FOXP1: variants seen among roughly 807,000 people sequenced by gnomAD.
FOXP1 encodes forkhead box protein P1.
In FOXP1, 15 loss-of-function variants were observed where a neutral mutation model predicts 98.2. The ratio of observed to expected loss-of-function variants is 0.15; its 90% CI spans 0.10 to 0.24. FOXP1 has a LOEUF of 0.24. FOXP1 is among the 10% of genes least tolerant of loss of function. The pLI is 1.00. For missense variants in FOXP1, 633 were observed against 848.5 expected, an observed-to-expected ratio of 0.75 and a Z score of 3.15; for synonymous variants, 371 against 314.5, an observed-to-expected ratio of 1.18 and a Z score of -1.90.
chr3:70,976,925 G>C lies in FOXP1; in HGVS notation c.1530+16C>G. On this transcript the variant is annotated intron_variant, in intron 17 of 20. Coordinates refer to ENST00000649528, the MANE Select transcript of FOXP1 (RefSeq NM_001349338.3). ...AACGTCAAGATCCAAGAATAAACAG[G>C]CCTGAGAAAGCTTACCTTCCACGTG... 2.5e-6 allele frequency: 4 copies of C among 1,581,594 alleles called. No individual in the cohort carries two copies. The highest frequency in any genetic ancestry group is 3.5e-6 in the Non-Finnish European group (4 of 1,150,548).
chr3:71,581,233 T>C (rs981641133), intron 2 of FOXP1: 1 of 985,234 alleles, frequency 1.0e-6, no homozygotes. Flanking sequence ...AAATAATTAA[T>C]AGTTATAAGA....
At chr3:71,024,028 G>T (rs971666889) in intron 11 of FOXP1, among the ~76,000 whole-genome samples, 4 of 152,102 alleles carry the variant, frequency 2.6e-5, no homozygotes, top group Middle Eastern at 6.8e-3. Context: ...TCATACTGTT[G>T]TATATCCCCT....
At chr3:71,487,367 T>C (rs1280608039) in intron 3 of FOXP1, among the ~76,000 whole-genome samples, 2 of 152,198 alleles carry the variant, frequency 1.3e-5, no homozygotes, top group Non-Finnish European at 2.9e-5. Flanking sequence ...CCAGATTCTT[T>C]CATTAATATG....
rs1327696171 is a variant in FOXP1 at position 71,396,929 on chromosome 3, T to C, written c.-167-37685A>G. On this transcript the variant is annotated intron_variant, in intron 3 of 20. Coordinates refer to ENST00000649528, the MANE Select transcript of FOXP1 (RefSeq NM_001349338.3). ...ACATATATATGTGTGTATATATATA[T>C]ATATACACATATATATATGTGTATA... Among the ~76,000 whole-genome samples, 6 of 103,696 alleles carry C rather than the reference T, an allele frequency of 5.8e-5. 1 individual carries two copies. Among genetic ancestry groups the C allele is most frequent in the African/African-American group, 8.5e-5 (2 of 23,494 alleles). The allele number at this position is 103,696 out of a possible 152,430, so 68.0% of individuals were successfully genotyped here. A position where few individuals can be genotyped will look rare whatever the true frequency, so the allele number is the denominator to read the frequency against.
In FOXP1 at chr3:71,583,672, G is replaced by T. The variant is rs914906861; in HGVS notation, c.-548C>A. 2.0e-6 allele frequency: 2 copies of T among 984,406 alleles called. No homozygotes were observed. Among genetic ancestry groups the T allele is most frequent in the African/African-American group, 3.5e-5 (2 of 56,942 alleles). 61.0% of individuals were successfully genotyped at this position (984,406 alleles called of 1,614,324 possible). A position where few individuals can be genotyped will look rare whatever the true frequency, so the allele number is the denominator to read the frequency against. Reference sequence around the variant, plus strand: ...GCGCACCCCGCGCACACACTCACTCGCGCACACACGCGCGCACACACGCAC... The same window carrying T: ...GCGCACCCCGCGCACACACTCACTCTCGCACACACGCGCGCACACACGCAC... On this transcript the variant is annotated 5_prime_UTR_variant, in exon 1 of 21. Transcript: ENST00000649528.
intron 4 of FOXP1, among the ~76,000 whole-genome samples, chr3:71,353,508 T>G (rs2077938190): frequency 6.6e-6 from 1 of 152,230 alleles, no homozygotes; most frequent in African/African-American, 2.4e-5. Context: ...TTACTTTGAC[T>G]GAAACTTACT....
chr3:71,378,005 GT>G (rs947471555), intron 3 of FOXP1, among the ~76,000 whole-genome samples: 2 of 143,330 alleles, frequency 1.4e-5, no homozygotes, highest in African/African-American at 5.1e-5. Flanking sequence ...CCTGTTTTTT[GT>G]TTTTTGTTTT....
chr3:71,128,428 A>G (rs1230469115), intron 6 of FOXP1, among the ~76,000 whole-genome samples: 1 of 152,180 alleles, frequency 6.6e-6, no homozygotes, highest in African/African-American at 2.4e-5. Flanking sequence ...AATGGGTTAC[A>G]TAATATTAAA....
intron 3 of FOXP1, among the ~76,000 whole-genome samples, chr3:71,383,960 G>A (rs927552510): frequency 2.6e-5 from 4 of 152,200 alleles, no homozygotes; most frequent in African/African-American, 7.2e-5. Flanking sequence ...GCTCACGCCT[G>A]TAATCCCAGC....
At chr3:71,583,040 C>A (rs1203726303) in intron 1 of FOXP1, among the ~76,000 whole-genome samples, 1 of 151,776 alleles carries the variant, frequency 6.6e-6, no homozygotes, top group Non-Finnish European at 1.5e-5. Flanking sequence ...CGGCGCGCGC[C>A]CCCTCCCGCC....
chr3:71,427,210 T>G (rs1336992220), intron 3 of FOXP1, among the ~76,000 whole-genome samples: 1 of 152,146 alleles, frequency 6.6e-6, no homozygotes. Flanking sequence ...CACCACCATA[T>G]ATCTAATATG....
chr3:71,133,098 C>T (rs181734795), intron 6 of FOXP1, among the ~76,000 whole-genome samples: 5 of 152,196 alleles, frequency 3.3e-5, no homozygotes, highest in East Asian at 1.9e-4. Context: ...AAAGGTTTGC[C>T]GTGAAAAGCG....
At chr3:71,234,190 T>C (rs2066580541) in intron 5 of FOXP1, among the ~76,000 whole-genome samples, 1 of 152,122 alleles carries the variant, frequency 6.6e-6, no homozygotes, top group Admixed American at 6.5e-5. Flanking sequence ...GTTTAAAGCA[T>C]TAAATCAAAA....
At chr3:71,241,778 C>G (rs1466393515) in intron 5 of FOXP1, among the ~76,000 whole-genome samples, 1 of 152,180 alleles carries the variant, frequency 6.6e-6, no homozygotes, top group East Asian at 1.9e-4. Context: ...TTACAGGGCT[C>G]AAATTAAATT....
At chr3:71,563,524 C>G (rs555597398) in intron 2 of FOXP1, among the ~76,000 whole-genome samples, 1 of 152,206 alleles carries the variant, frequency 6.6e-6, no homozygotes, top group Non-Finnish European at 1.5e-5. Flanking sequence ...AAGGACAATG[C>G]TTTATTTAGA....
intron 2 of FOXP1, among the ~76,000 whole-genome samples, chr3:71,544,072 CAT>C (rs1480479801): frequency 1.3e-5 from 2 of 151,890 alleles, no homozygotes; most frequent in African/African-American, 2.4e-5. Flanking sequence ...CATATACACA[CAT>C]ATATGTGTGT....
At chr3:71,560,715 A>G (rs1358460086) in intron 2 of FOXP1, among the ~76,000 whole-genome samples, 2 of 152,256 alleles carry the variant, frequency 1.3e-5, no homozygotes, top group African/African-American at 4.8e-5. Context: ...ATGAAATATT[A>G]TTCAGCCATA....
chr3:71,441,288 C>T (rs891310434), intron 3 of FOXP1, among the ~76,000 whole-genome samples: 13 of 152,202 alleles, frequency 8.5e-5, no homozygotes, highest in African/African-American at 3.1e-4. Context: ...TGTCTGGAGA[C>T]AGTCTTGGTT....
At chr3:71,487,884 A>G (rs1451728410) in intron 3 of FOXP1, among the ~76,000 whole-genome samples, 1 of 152,222 alleles carries the variant, frequency 6.6e-6, no homozygotes, top group African/African-American at 2.4e-5. Context: ...TTCCTAGACT[A>G]ATTTCCTATA....
Sources: allele counts gnomAD v4.1 joint callset (sites outside exome capture counted in the v4.1 genomes callset), GRCh38; gene constraint gnomAD v4.1.1; transcripts MANE v1.5; gene names NCBI Gene and HGNC (gene_info 2026-07-23, HGNC 2026-07-21).